NALCN: variants seen among roughly 807,000 people sequenced by gnomAD.
NALCN encodes the protein sodium leak channel NALCN.
A neutral mutation model predicts 225.3 loss-of-function variants in NALCN; 111 were observed. The observed-to-expected ratio is 0.49, with a 90% confidence interval of 0.42 to 0.58. The LOEUF (loss-of-function observed/expected upper bound fraction) is 0.58, where lower values mean the gene tolerates loss of function less well. NALCN is among the 20% of genes least tolerant of loss of function. The probability of loss-of-function intolerance (pLI) is 0.00; values close to 1 mark genes in which losing one functional copy is unlikely to be tolerated. For missense variants in NALCN, 1,378 were observed against 2,202.4 expected, an observed-to-expected ratio of 0.63 and a Z score of 7.49; for synonymous variants, 764 against 769.0, an observed-to-expected ratio of 0.99 and a Z score of 0.11.
intron 11 of NALCN, among the ~76,000 whole-genome samples, chr13:101,238,529 C>T (rs536388432): frequency 1.5e-4 from 23 of 151,966 alleles, no homozygotes; most frequent in African/African-American, 5.5e-4. Context: ...CTTTTAATCT[C>T]TCACATGCAT....
intron 13 of NALCN, among the ~76,000 whole-genome samples, chr13:101,220,305 C>G (rs1294314895): frequency 2.6e-5 from 4 of 152,126 alleles, no homozygotes; most frequent in Non-Finnish European, 5.9e-5. Flanking sequence ...TGGATAATGT[C>G]TAGAGAAGGG....
At chr13:101,332,202 G>A (rs1028137130) in intron 7 of NALCN, among the ~76,000 whole-genome samples, 1 of 151,920 alleles carries the variant, frequency 6.6e-6, no homozygotes. Context: ...GTTTTGAGAA[G>A]ATAATACCTA....
At chr13:101,121,745 C>G (rs1334463642) in intron 18 of NALCN, among the ~76,000 whole-genome samples, 1 of 152,100 alleles carries the variant, frequency 6.6e-6, no homozygotes, top group Non-Finnish European at 1.5e-5. Context: ...AGCCTTCTTT[C>G]AAAATGCAAA....
chr13:101,158,347 G>A (rs564590613), intron 15 of NALCN, among the ~76,000 whole-genome samples: 1 of 152,346 alleles, frequency 6.6e-6, no homozygotes, highest in East Asian at 1.9e-4. Context: ...TCCTGAATGA[G>A]CATGTCTTGG....
intron 7 of NALCN, among the ~76,000 whole-genome samples, chr13:101,337,040 T>C (rs2045398948): frequency 6.6e-6 from 1 of 152,206 alleles, no homozygotes; most frequent in Non-Finnish European, 1.5e-5. Flanking sequence ...TAATTTTTTC[T>C]GGCATTATCT....
At chr13:101,103,966 T>C (rs1335993975) in intron 25 of NALCN, among the ~76,000 whole-genome samples, 1 of 152,210 alleles carries the variant, frequency 6.6e-6, no homozygotes, top group Non-Finnish European at 1.5e-5. Flanking sequence ...GGCAAACTTT[T>C]TTTTTTTAGT....
rs1475145890 is a variant in NALCN at position 101,124,608 on chromosome 13, C to T, written c.2192G>A (p.Arg731Lys). Residue 731 changes from arginine (R) to lysine (K), a missense_variant and splice_region_variant, in exon 18 of 44, where the codon AGA (arginine) becomes AAA (lysine). Coordinates refer to ENST00000251127, the MANE Select transcript of NALCN (RefSeq NM_052867.4). Reference protein sequence around the residue: ...EKETAVTKILRACTRQRMLSG... With the variant: ...EKETAVTKILKACTRQRMLSG... ...ATGTGTCAACATTAATTGGTGTTACCTTAAGATTTTAGTGACTGCGGTCTC... is the reference window on the plus strand; with the variant it reads ...ATGTGTCAACATTAATTGGTGTTACTTTAAGATTTTAGTGACTGCGGTCTC... 1 of 1,613,060 alleles carries T rather than the reference C, an allele frequency of 6.2e-7. No homozygotes were observed. Among genetic ancestry groups the T allele is most frequent in the Non-Finnish European group, 8.5e-7 (1 of 1,179,502 alleles).
chr13:101,219,090 T>G (rs2040844579), intron 13 of NALCN, among the ~76,000 whole-genome samples: 1 of 152,048 alleles, frequency 6.6e-6, no homozygotes, highest in African/African-American at 2.4e-5. Context: ...GTTCTGGGAG[T>G]TGGGATATCA....
At chr13:101,312,817 A>G (rs1205679526) in intron 7 of NALCN, among the ~76,000 whole-genome samples, 1 of 152,112 alleles carries the variant, frequency 6.6e-6, no homozygotes, top group Admixed American at 6.5e-5. Flanking sequence ...TCTTCACAGA[A>G]CTGGAAAAAA....
At chr13:101,115,862 A>G (rs2035683530) in intron 18 of NALCN, among the ~76,000 whole-genome samples, 1 of 152,178 alleles carries the variant, frequency 6.6e-6, no homozygotes. Flanking sequence ...CTAGAAGGCC[A>G]GTTTCTTAGG....
chr13:101,285,436 A>T (rs1298223664), intron 9 of NALCN, among the ~76,000 whole-genome samples: 1 of 150,626 alleles, frequency 6.6e-6, no homozygotes, highest in African/African-American at 2.4e-5. Flanking sequence ...AGTAGCTGGG[A>T]CTACAGGCAC....
chr13:101,389,374 A>G (rs1178185608), intron 3 of NALCN, among the ~76,000 whole-genome samples: 2 of 152,238 alleles, frequency 1.3e-5, no homozygotes, highest in Non-Finnish European at 2.9e-5. Flanking sequence ...GGAACAAAAC[A>G]AAAACAAATG....
At chr13:101,151,253 C>T (rs1176607605) in intron 15 of NALCN, among the ~76,000 whole-genome samples, 1 of 152,202 alleles carries the variant, frequency 6.6e-6, no homozygotes, top group Non-Finnish European at 1.5e-5. Context: ...CTGTGTTCTG[C>T]CTCATCGCTT....
chr13:101,146,104 A>G (rs2037333122), intron 15 of NALCN, among the ~76,000 whole-genome samples: 1 of 152,176 alleles, frequency 6.6e-6, no homozygotes, highest in Non-Finnish European at 1.5e-5. Flanking sequence ...GGATGACTCA[A>G]CTATCCTATT....
chr13:101,154,316 A>C (rs961154287), intron 15 of NALCN, among the ~76,000 whole-genome samples: 1 of 152,198 alleles, frequency 6.6e-6, no homozygotes, highest in African/African-American at 2.4e-5. Context: ...AAACTGTTGT[A>C]TACTGCCACA....
At chr13:101,398,974 T>C in intron 2 of NALCN, 45 bp downstream of exon 2, 2 of 1,198,238 alleles carry the variant, frequency 1.7e-6, no homozygotes, top group Non-Finnish European at 2.5e-6. Flanking sequence ...ATCACATTTA[T>C]CTCACATCCA....
At chr13:101,158,374 G>GCAGCCCTCTGCCTCCC (rs1490105390) in intron 15 of NALCN, among the ~76,000 whole-genome samples, 1 of 152,196 alleles carries the variant, frequency 6.6e-6, no homozygotes, top group Non-Finnish European at 1.5e-5. Context: ...CTCTGCCTGT[G>GCAGCCCTCTGCCTCCC]CAGCCCTCTG....
At chr13:101,384,340 G>C (rs1191292692) in intron 3 of NALCN, among the ~76,000 whole-genome samples, 1 of 152,094 alleles carries the variant, frequency 6.6e-6, no homozygotes, top group African/African-American at 2.4e-5. Context: ...GAGGAGAGGA[G>C]TGCTTCAAGA....
intron 7 of NALCN, among the ~76,000 whole-genome samples, chr13:101,304,758 C>CTTTTTTT (rs769247590): frequency 1.6e-5 from 2 of 122,810 alleles, no homozygotes; most frequent in Admixed American, 8.9e-5. Context: ...TTTTTCTTTT[C>CTTTTTTT]TTTTTTTTTT....
Sources: allele counts gnomAD v4.1 joint callset (sites outside exome capture counted in the v4.1 genomes callset), GRCh38; gene constraint gnomAD v4.1.1; transcripts MANE v1.5; gene names NCBI Gene and HGNC (gene_info 2026-07-23, HGNC 2026-07-21).